The following IBTK variants were observed in gnomAD, a reference collection of about 807,000 sequenced individuals.
The protein encoded by IBTK is inhibitor of Bruton tyrosine kinase.
Under a neutral mutation model 154.9 loss-of-function variants are expected in IBTK, and 83 were observed. The observed-to-expected ratio is 0.54, with a 90% confidence interval of 0.45 to 0.64. The LOEUF (loss-of-function observed/expected upper bound fraction) is 0.64, where lower values mean the gene tolerates loss of function less well. IBTK is among the 30% of genes least tolerant of loss of function. The pLI is 0.00. For missense variants in IBTK, 1,332 were observed against 1,584.6 expected, an observed-to-expected ratio of 0.84 and a Z score of 2.71; for synonymous variants, 515 against 536.1, an observed-to-expected ratio of 0.96 and a Z score of 0.54.
intron 9 of IBTK, among the ~76,000 whole-genome samples, chr6:82,219,894 T>C (rs1770028702): frequency 1.3e-5 from 2 of 152,140 alleles, no homozygotes; most frequent in Non-Finnish European, 2.9e-5. Context: ...ATTTATCATA[T>C]TGCCTGATCT....
chr6:82,216,304 ATGAT>A (rs1205942010), intron 10 of IBTK, 54 bp from the exon 11 acceptor site: 5 of 1,123,232 alleles, frequency 4.5e-6, no homozygotes, highest in Admixed American at 2.6e-5. Context: ...AACTACTAAA[ATGAT>A]TGAGAAGTAA....
intron 9 of IBTK, among the ~76,000 whole-genome samples, chr6:82,219,191 G>C (rs1769981786): frequency 6.6e-6 from 1 of 151,734 alleles, no homozygotes. Context: ...GTAAACGTGT[G>C]CCATGGTGGT....
chr6:82,244,721 A>C (rs1771079262), intron 1 of IBTK, among the ~76,000 whole-genome samples: 1 of 152,220 alleles, frequency 6.6e-6, no homozygotes, highest in Non-Finnish European at 1.5e-5. Flanking sequence ...GCATTCAAAA[A>C]CTGCTTAAAG....
chr6:82,201,879 T>A (rs1769223696), intron 18 of IBTK, among the ~76,000 whole-genome samples: 1 of 151,956 alleles, frequency 6.6e-6, no homozygotes, highest in Non-Finnish European at 1.5e-5. Context: ...GCACACACAA[T>A]CACGCTCGGC....
rs757713608 is a variant in IBTK at position 82,204,994 on chromosome 6, T to C, written c.2510-36A>G. On this transcript the variant is annotated intron_variant, in intron 16 of 28. Transcript: ENST00000306270. ...AAAGAAAACAAGCATCACTTTTTCT[T>C]TGTATACATTATACCTAGAAAAAAA... 4.1e-5 allele frequency: 56 copies of C among 1,366,190 alleles called. 1 individual carries two copies. The highest frequency in any genetic ancestry group is 2.6e-4 in the South Asian group (20 of 76,912). 84.6% of individuals were successfully genotyped at this position (1,366,190 alleles called of 1,614,324 possible). A position where few individuals can be genotyped will look rare whatever the true frequency, so the allele number is the denominator to read the frequency against.
At chr6:82,224,802 T>C (rs1308131446) in intron 6 of IBTK, among the ~76,000 whole-genome samples, 3 of 152,232 alleles carry the variant, frequency 2.0e-5, no homozygotes, top group Non-Finnish European at 4.4e-5. Flanking sequence ...CCATTTGGTA[T>C]TGATAAATTT....
At chr6:82,228,796 T>G (rs753743993) in intron 4 of IBTK, among the ~76,000 whole-genome samples, 3 of 152,072 alleles carry the variant, frequency 2.0e-5, no homozygotes, top group Non-Finnish European at 4.4e-5. Context: ...TAATTTTTTA[T>G]ATTTTTGGTA....
chr6:82,220,937 TACACACACACACACACACACAC>T (rs57358110), intron 8 of IBTK, among the ~76,000 whole-genome samples: 3 of 130,090 alleles, frequency 2.3e-5, no homozygotes, highest in Non-Finnish European at 4.8e-5. Flanking sequence ...TGACTTTACC[TACACACACACACACACACACAC>T]ACACACACAC....
At position 82,240,400 on chromosome 6, in the gene IBTK, G is replaced by A. The variant is rs544849914; in HGVS notation, c.87C>T (p.Ser29=). 58 of 1,613,974 alleles carry A rather than the reference G, an allele frequency of 3.6e-5. No individual in the cohort carries two copies. Among genetic ancestry groups the A allele is most frequent in the Non-Finnish European group, 4.1e-5 (48 of 1,180,016 alleles). The change falls in exon 2 of 29, where the codon AGC becomes AGT. Residue 29 remains serine, a synonymous_variant. Transcript: ENST00000306270. ...AGAGAAAGGCCTTAATCTGGTTTTC[G>A]CTCCCCTTTGTTACCACAGAAAGGA... ...LDVLSVVTKG[S]ENQIKAFLSS... is the part of the protein sequence containing the mutation.
chr6:82,174,703 T>TTTA (rs1768047114), intron 26 of IBTK, among the ~76,000 whole-genome samples: 1 of 152,184 alleles, frequency 6.6e-6, no homozygotes, highest in Admixed American at 6.5e-5. Flanking sequence ...AAGTACTTCA[T>TTTA]GTGTATTATC....
rs1194244978 is a variant in IBTK at position 82,173,371 on chromosome 6, G to C, written c.3793C>G (p.Pro1265Ala). 3.7e-6 allele frequency: 6 copies of C among 1,610,092 alleles called. No homozygotes were observed. The Admixed American group carries it at 6.7e-5, about 18-fold the overall frequency. The change falls in exon 27 of 29, where the codon CCC becomes GCC. Residue 1265 changes from proline to alanine, a missense_variant. Pro to Ala is a conservative substitution (Grantham distance 27). Coordinates refer to ENST00000306270, the MANE Select transcript of IBTK (RefSeq NM_015525.4). ...HISDLPLLDS[P>A]NPWLSSSVTA... ...TAACTTATCAATTAACCTTACTTGG[G>C]ACTGTCTAGAAGTGGTAAATCTGAA...
At position 82,194,385 on chromosome 6, in the gene IBTK, AT is replaced by A. The variant is rs1210024186; in HGVS notation, c.3338+93del. 3 of 881,462 alleles carry A rather than the reference AT, an allele frequency of 3.4e-6. No homozygotes were observed. The African/African-American group carries it at 5.2e-5, about 15-fold the overall frequency. The allele number at this position is 881,462 out of a possible 1,614,324, so 54.6% of individuals were successfully genotyped here. On this transcript the variant is annotated intron_variant, in intron 23 of 28. Coordinates refer to ENST00000306270, the MANE Select transcript of IBTK (RefSeq NM_015525.4). ...CTGTGCATTAGAAATTTATATTAATATTTCTTAAATGTTCATCATTAAAAAA... is the reference window on the plus strand; with the variant it reads ...CTGTGCATTAGAAATTTATATTAATATTCTTAAATGTTCATCATTAAAAAA...
intron 9 of IBTK, among the ~76,000 whole-genome samples, chr6:82,219,059 C>T (rs996593048): frequency 6.6e-6 from 1 of 151,998 alleles, no homozygotes; most frequent in Non-Finnish European, 1.5e-5. Flanking sequence ...ATACTCAACT[C>T]TTTTATGTAA....
chr6:82,232,347 A>C lies in IBTK; in HGVS notation c.419-505T>G, dbSNP rs76691081. On this transcript the variant is annotated intron_variant, in intron 3 of 28. Coordinates refer to ENST00000306270, the MANE Select transcript of IBTK (RefSeq NM_015525.4). ...ACATACAAAGGTTCTAAATGTTGCAAATGTGATATTACTCTTTGTACAGGA... is the reference window on the plus strand; with the variant it reads ...ACATACAAAGGTTCTAAATGTTGCACATGTGATATTACTCTTTGTACAGGA... Among the ~76,000 whole-genome samples the C allele has an allele frequency of 2.3e-3, 352 of 152,340 alleles. 2 individuals are homozygous for C. Among genetic ancestry groups the C allele is most frequent in the African/African-American group, 7.9e-3 (330 of 41,580 alleles).
At chr6:82,214,900 TCTC>T in intron 11 of IBTK, 71 bp from the exon 12 acceptor site, 1 of 1,461,898 alleles carries the variant, frequency 6.8e-7, no homozygotes, top group Non-Finnish European at 9.1e-7. Context: ...CCTAGCCAAT[TCTC>T]CTTTAAAATG....
intron 25 of IBTK, among the ~76,000 whole-genome samples, chr6:82,184,351 A>G (rs776586569): frequency 3.1e-4 from 47 of 152,228 alleles, no homozygotes; most frequent in Non-Finnish European, 1.2e-4. Flanking sequence ...GCTTTAAAAT[A>G]TTAAATAATT....
At chr6:82,174,119 C>T (rs197246) in intron 26 of IBTK, among the ~76,000 whole-genome samples, 44,213 of 151,934 alleles carry the variant, frequency 0.29, 6,775 homozygotes, top group Non-Finnish European at 0.34. Flanking sequence ...TAGATTGCTC[C>T]AATGCTCTCT....
In IBTK at chr6:82,232,882, G is replaced by A. The variant is rs1189594157; in HGVS notation, c.419-1040C>T. On this transcript the variant is annotated intron_variant, in intron 3 of 28. Transcript: ENST00000306270. ...AAAGTATAAAAATTGGCCGCACGCA[G>A]TGGTTCATGCCTGTAATCCCAGCAC... is the stretch of plus-strand genomic sequence containing the variant. 2.0e-5 allele frequency among the ~76,000 whole-genome samples: 3 copies of A among 152,188 alleles called. No individual in the cohort carries two copies. The East Asian group carries it at 5.8e-4, about 29-fold the overall frequency.
intron 23 of IBTK, among the ~76,000 whole-genome samples, chr6:82,193,191 A>C (rs1768846468): frequency 6.6e-6 from 1 of 152,090 alleles, no homozygotes; most frequent in South Asian, 2.1e-4. Flanking sequence ...CTTATTATTT[A>C]CACTAGGCAA....
Sources: gnomAD v4.1 joint callset for allele counts (sites outside exome capture counted in the v4.1 genomes callset) on GRCh38, gnomAD v4.1.1 for gene constraint, MANE v1.5 for transcripts, NCBI Gene and HGNC (gene_info 2026-07-23, HGNC 2026-07-21) for gene names.